PDCD10: variants seen among roughly 807,000 people sequenced by gnomAD.
PDCD10 encodes the protein programmed cell death 10.
PDCD10 carries 4 observed loss-of-function variants against 29.2 expected under a neutral mutation model. The observed-to-expected ratio is 0.14, with a 90% CI of 0.07 to 0.31. The LOEUF is 0.31. Among genes scored for constraint, PDCD10 ranks in the 10% least tolerant of loss-of-function variants. The pLI is 1.00. For missense variants in PDCD10, 183 were observed against 257.9 expected, an observed-to-expected ratio of 0.71 and a Z score of 1.99; for synonymous variants, 70 against 82.2, an observed-to-expected ratio of 0.85 and a Z score of 0.80.
At chr3:167,729,312 A>G (rs546534085) in intron 2 of PDCD10, among the ~76,000 whole-genome samples, 83 of 152,324 alleles carry the variant, frequency 5.4e-4, no homozygotes, top group African/African-American at 2.0e-3. Context: ...GGTTTTTTAA[A>G]AAGTTTGAAT....
In PDCD10 at chr3:167,705,070, AAT is replaced by A. The variant is rs577256457; in HGVS notation, c.97-177_97-176del. On this transcript the variant is annotated intron_variant, in intron 3 of 8. Coordinates refer to ENST00000392750, the MANE Select transcript of PDCD10 (RefSeq NM_007217.4). ...AGGCTATCAAAATTTTCAATGAAAAAATATATGTCCTTAATTTTTTATTAAAA... is the reference window on the plus strand; with the variant it reads ...AGGCTATCAAAATTTTCAATGAAAAAATATGTCCTTAATTTTTTATTAAAA... 4.1e-4 allele frequency among the ~76,000 whole-genome samples: 63 copies of A among 152,282 alleles called. 1 individual carries two copies. The highest frequency in any genetic ancestry group is 1.4e-3 in the African/African-American group (58 of 41,566).
chr3:167,731,261 TTGTTA>T (rs1724778331), intron 2 of PDCD10, among the ~76,000 whole-genome samples: 2 of 152,184 alleles, frequency 1.3e-5, no homozygotes, highest in Non-Finnish European at 2.9e-5. Flanking sequence ...TGTCTATATT[TTGTTA>T]TAATGAATAT....
rs552949709 is a variant in PDCD10, at chr3:167,724,535, T to C, written c.-116-4262A>G. On this transcript the variant is annotated intron_variant, in intron 2 of 8. Coordinates refer to ENST00000392750, the MANE Select transcript of PDCD10 (RefSeq NM_007217.4). ...TTATAAGTGTGTTTCTTCTTCCCAA[T>C]AGAGACATTACAGTCAGCATAGCGG... 1.1e-3 allele frequency among the ~76,000 whole-genome samples: 164 copies of C among 152,306 alleles called. 1 individual carries two copies. The highest frequency in any genetic ancestry group is 3.1e-3 in the South Asian group (15 of 4,832).
intron 2 of PDCD10, among the ~76,000 whole-genome samples, chr3:167,727,368 T>C (rs1724301080): frequency 6.6e-6 from 1 of 152,206 alleles, no homozygotes; most frequent in South Asian, 2.1e-4. Flanking sequence ...TCCTCATTTT[T>C]TTTTCCTATG....
chr3:167,727,122 A>G (rs1724272161), intron 2 of PDCD10, among the ~76,000 whole-genome samples: 1 of 152,198 alleles, frequency 6.6e-6, no homozygotes. Context: ...CAGGCTGGGT[A>G]GCAGGCTGGG....
chr3:167,692,014 C>T (rs979525055), intron 6 of PDCD10, among the ~76,000 whole-genome samples: 3 of 152,130 alleles, frequency 2.0e-5, no homozygotes, highest in Non-Finnish European at 2.9e-5. Context: ...ATTATATAAA[C>T]CTACTTCGAT....
chr3:167,720,271 G>C lies in PDCD10; in HGVS notation c.-114C>G. On this transcript the variant is annotated splice_region_variant and 5_prime_UTR_variant, in exon 3 of 9. In the 5' UTR this introduces an upstream ATG that the reference lacks. Coordinates refer to ENST00000392750, the MANE Select transcript of PDCD10 (RefSeq NM_007217.4). ...AAGAATTGGACACAAAAAACACACT[G>C]ATCTGGTGAAAGAGGAAGAAAGAAC... 1.4e-6 allele frequency: 1 copy of C among 726,336 alleles called. No individual in the cohort carries two copies. The highest frequency in any genetic ancestry group is 2.5e-6 in the Non-Finnish European group (1 of 402,998). The allele number at this position is 726,336 out of a possible 1,614,324, so 45.0% of individuals were successfully genotyped here. A position where few individuals can be genotyped will look rare whatever the true frequency, so the allele number is the denominator to read the frequency against.
intron 2 of PDCD10, among the ~76,000 whole-genome samples, chr3:167,733,308 A>G (rs1376262026): frequency 6.6e-6 from 1 of 152,230 alleles, no homozygotes; most frequent in Admixed American, 6.5e-5. Flanking sequence ...TACTCTAACA[A>G]TTCTATTAAA....
At chr3:167,733,442 C>T (rs6764020) in intron 2 of PDCD10, among the ~76,000 whole-genome samples, 52,168 of 151,812 alleles carry the variant, frequency 0.34, 10,823 homozygotes, top group African/African-American at 0.6. Context: ...TTTCATTCTT[C>T]AATGTAAAGT....
intron 4 of PDCD10, among the ~76,000 whole-genome samples, chr3:167,703,789 C>A (rs190391519): frequency 6.6e-6 from 1 of 151,866 alleles, no homozygotes; most frequent in African/African-American, 2.4e-5. Context: ...TATGAGCTAC[C>A]TATGTAATAT....
At chr3:167,701,464 G>C (rs1721423313) in intron 4 of PDCD10, among the ~76,000 whole-genome samples, 1 of 152,188 alleles carries the variant, frequency 6.6e-6, no homozygotes, top group Non-Finnish European at 1.5e-5. Context: ...AAAGTGCTAG[G>C]ATTACAAGGC....
chr3:167,697,880 T>C (rs1159833571), intron 4 of PDCD10: 1 of 455,240 alleles, frequency 2.2e-6, no homozygotes, highest in Admixed American at 2.4e-5. Flanking sequence ...CAGATTTCAG[T>C]TTTTCCCAGT....
chr3:167,709,170 G>A (rs1722286993), intron 3 of PDCD10, among the ~76,000 whole-genome samples: 1 of 151,822 alleles, frequency 6.6e-6, no homozygotes, highest in Non-Finnish European at 1.5e-5. Context: ...TAAGAGGGGA[G>A]GCGAAGCAAG....
intron 3 of PDCD10, among the ~76,000 whole-genome samples, chr3:167,709,752 C>T (rs372154915): frequency 8.1e-4 from 123 of 152,076 alleles, no homozygotes; most frequent in Middle Eastern, 3.4e-3. Flanking sequence ...CCAGACAGGG[C>T]GACCAAGGGA....
At chr3:167,722,428 G>A (rs1723670902) in intron 2 of PDCD10, among the ~76,000 whole-genome samples, 1 of 152,010 alleles carries the variant, frequency 6.6e-6, no homozygotes, top group Admixed American at 6.6e-5. Flanking sequence ...TATCGCTACA[G>A]GAGAACTGGA....
Position 167,697,467 on chromosome 3 carries a change from AAAT to A in PDCD10, c.151-344_151-342del, listed in dbSNP as rs138975374. 6.1e-3 allele frequency among the ~76,000 whole-genome samples: 923 copies of A among 152,272 alleles called. 5 individuals carry two copies. Among genetic ancestry groups the A allele is most frequent in the African/African-American group, 0.021 (882 of 41,554 alleles). On this transcript the variant is annotated intron_variant, in intron 4 of 8. Coordinates refer to ENST00000392750, the MANE Select transcript of PDCD10 (RefSeq NM_007217.4). ...TATCAATTGCTATTCTCATTACTTT[AAAT>A]ATCTTGAGAATTTAAGCTTTTTTTA... is the stretch of plus-strand genomic sequence containing the variant.
At chr3:167,700,943 G>T (rs1475308558) in intron 4 of PDCD10, among the ~76,000 whole-genome samples, 1 of 152,194 alleles carries the variant, frequency 6.6e-6, no homozygotes, top group Non-Finnish European at 1.5e-5. Flanking sequence ...ATATTTATTA[G>T]TAAAGCAGAG....
intron 6 of PDCD10, among the ~76,000 whole-genome samples, chr3:167,688,700 C>T (rs888833788): frequency 7.2e-5 from 11 of 152,116 alleles, no homozygotes; most frequent in Non-Finnish European, 1.5e-5. Flanking sequence ...TTAGTCACAA[C>T]AAAAACTTCA....
rs1721826110 is a variant in PDCD10, at chr3:167,704,914, A to G, written c.97-19T>C. 1 of 1,522,544 alleles carries G rather than the reference A, an allele frequency of 6.6e-7. No individual in the cohort carries two copies. Among genetic ancestry groups the G allele is most frequent in the Non-Finnish European group, 9.1e-7 (1 of 1,101,724 alleles). 94.3% of individuals were successfully genotyped at this position (1,522,544 alleles called of 1,614,324 possible). A position where few individuals can be genotyped will look rare whatever the true frequency, so the allele number is the denominator to read the frequency against. On this transcript the variant is annotated intron_variant, in intron 3 of 8. Coordinates refer to ENST00000392750, the MANE Select transcript of PDCD10 (RefSeq NM_007217.4). Reference sequence around the variant, plus strand: ...GTTCTAGCTGCAATAAAAATTTTAAATTATTATGAATATCAACTTTCTTGG... The same window carrying G: ...GTTCTAGCTGCAATAAAAATTTTAAGTTATTATGAATATCAACTTTCTTGG...
Sources: gnomAD v4.1 joint callset for allele counts (sites outside exome capture counted in the v4.1 genomes callset) on GRCh38, gnomAD v4.1.1 for gene constraint, MANE v1.5 for transcripts, NCBI Gene and HGNC (gene_info 2026-07-23, HGNC 2026-07-21) for gene names.